SP140: variants seen among roughly 807,000 people sequenced by gnomAD.
SP140 encodes nuclear body protein SP140.
A neutral mutation model predicts 125.0 loss-of-function variants in SP140; 81 were observed. The observed-to-expected ratio is 0.65, with a 90% CI of 0.54 to 0.78. The LOEUF is 0.78. Among genes scored for constraint, SP140 ranks in the 30% least tolerant of loss-of-function variants. The pLI is 0.00. For missense variants in SP140, 858 were observed against 1,037.0 expected (o/e 0.83, Z 2.37); for synonymous variants, 312 against 354.0 (o/e 0.88, Z 1.33).
intron 1 of SP140, chr2:230,208,011 T>C: frequency 6.4e-7 from 1 of 1,565,162 alleles, no homozygotes; most frequent in South Asian, 1.1e-5. Flanking sequence ...GCTTTTTTTC[T>C]TATGTCTCCT....
Position 230,270,474 on chromosome 2 carries a change from G to A in SP140, c.1445-112G>A, listed in dbSNP as rs2053771192. ...GTTCCCCTAGAAGAAAGAGAGGAAT[G>A]ATTATCCAAGCATCTGTATAAACTC... On this transcript the variant is annotated intron_variant, in intron 14 of 26. Coordinates refer to ENST00000392045, the MANE Select transcript of SP140 (RefSeq NM_007237.5). 7 of 1,101,306 alleles carry A rather than the reference G, an allele frequency of 6.4e-6. No homozygotes were observed. The South Asian group carries it at 8.7e-5, about 14-fold the overall frequency. The allele number at this position is 1,101,306 out of a possible 1,614,324, so 68.2% of individuals were successfully genotyped here. A position where few individuals can be genotyped will look rare whatever the true frequency, so the allele number is the denominator to read the frequency against.
intron 15 of SP140, 141 bp downstream of exon 15, chr2:230,270,780 T>G: frequency 6.4e-6 from 5 of 784,034 alleles, no homozygotes; most frequent in Non-Finnish European, 6.6e-6. Context: ...CTAAGATGTC[T>G]ACCTCCTAAT....
chr2:230,225,926 G>A (rs765048276), intron 1 of SP140, 23 bp downstream of exon 1: 103 of 1,605,188 alleles, frequency 6.4e-5, no homozygotes, highest in Admixed American at 2.8e-4. Context: ...CTCCTTTCCC[G>A]TCTGTCCTTC....
chr2:230,245,792 G>T (rs1175309472), intron 6 of SP140, 71 bp from the exon 7 acceptor site: 1 of 970,250 alleles, frequency 1.0e-6, no homozygotes, highest in African/African-American at 1.6e-5. Flanking sequence ...GAATATTAGA[G>T]CTCAGCATGG....
At chr2:230,259,922 T>C (rs2051938879) in intron 12 of SP140, among the ~76,000 whole-genome samples, 1 of 151,976 alleles carries the variant, frequency 6.6e-6, no homozygotes, top group African/African-American at 2.4e-5. Context: ...AGTATCTTTT[T>C]CGAATAATGA....
chr2:230,230,907 T>G (rs1187940630), intron 1 of SP140, among the ~76,000 whole-genome samples: 3 of 152,274 alleles, frequency 2.0e-5, no homozygotes, highest in Non-Finnish European at 4.4e-5. Flanking sequence ...TCTGAAATTA[T>G]TCCAGCATTC....
intron 11 of SP140, among the ~76,000 whole-genome samples, chr2:230,255,099 A>G (rs969029127): frequency 6.6e-6 from 1 of 152,198 alleles, no homozygotes; most frequent in Admixed American, 6.5e-5. Context: ...ATAGAAACAG[A>G]GAAGGGGGGC....
At chr2:230,316,478 A>G (rs1449659165), downstream of SP140, among the ~76,000 whole-genome samples, 9 of 152,212 alleles carry the variant, frequency 5.9e-5, no homozygotes, top group Non-Finnish European at 1.2e-4. Context: ...GGCAGTGGGT[A>G]TACCATCTTA....
intron 5 of SP140, among the ~76,000 whole-genome samples, chr2:230,244,638 G>A (rs1418397231): frequency 6.6e-6 from 1 of 152,154 alleles, no homozygotes; most frequent in Non-Finnish European, 1.5e-5. Context: ...TCCAGAAGAA[G>A]AGAACCAGAA....
Position 230,234,444 on chromosome 2 carries a change from A to G in SP140, c.60-2639A>G, listed in dbSNP as rs114649234. 8.2e-3 allele frequency among the ~76,000 whole-genome samples: 1,247 copies of G among 152,344 alleles called. 17 individuals carry two copies. The highest frequency in any genetic ancestry group is 0.027 in the African/African-American group (1,129 of 41,580). ...AACACAGAAGGTGCATGAGCAAAATATTCTTTGAGTCCTTGTCTATCTAAG... is the reference window on the plus strand; with the variant it reads ...AACACAGAAGGTGCATGAGCAAAATGTTCTTTGAGTCCTTGTCTATCTAAG... On this transcript the variant is annotated intron_variant, in intron 1 of 26. Coordinates refer to ENST00000392045, the MANE Select transcript of SP140 (RefSeq NM_007237.5).
At chr2:230,214,941 T>C in intron 3 of SP140, 1 of 1,613,018 alleles carries the variant, frequency 6.2e-7, no homozygotes, top group Non-Finnish European at 8.5e-7. Flanking sequence ...ACTTGAGAAA[T>C]CTCATTACCA....
chr2:230,273,923 A>G (rs887422674), intron 15 of SP140, among the ~76,000 whole-genome samples: 4 of 152,176 alleles, frequency 2.6e-5, no homozygotes, highest in African/African-American at 9.7e-5. Flanking sequence ...CCTAGAGGAG[A>G]ACAACACACA....
upstream of SP140, among the ~76,000 whole-genome samples, chr2:230,199,012 T>C (rs2043004120): frequency 6.6e-6 from 1 of 151,932 alleles, no homozygotes; most frequent in Admixed American, 6.6e-5. Context: ...GGATGCCACA[T>C]GCTGAGGATG....
intron 4 of SP140, 109 bp from the exon 5 acceptor site, chr2:230,243,622 A>T: frequency 2.5e-6 from 2 of 816,266 alleles, no homozygotes; most frequent in Non-Finnish European, 4.0e-6. Flanking sequence ...GGGAGAGGGG[A>T]CCTTCCAGAT....
Position 230,245,920 on chromosome 2 carries a change from T to C in SP140, c.722T>C (p.Leu241Ser). ...GGAGAATCAGAAGAAATGCCCAAGT[T>C]ACTGCCTTATGATACAGAAGGTAAT... ...DEGESEEMPK[L>S]LPYDTEVLES... is the part of the protein sequence containing the mutation. Residue 241 changes from leucine (L) to serine (S), a missense_variant, in exon 7 of 27, where the codon TTA becomes TCA. Coordinates refer to ENST00000392045, the MANE Select transcript of SP140 (RefSeq NM_007237.5). The C allele has an allele frequency of 6.2e-7, 1 of 1,601,008 alleles. No homozygotes were observed. The highest frequency in any genetic ancestry group is 1.3e-5 in the African/African-American group (1 of 74,790).
chr2:230,289,612 T>A (rs1180634879), intron 18 of SP140, among the ~76,000 whole-genome samples: 1 of 152,152 alleles, frequency 6.6e-6, no homozygotes, highest in South Asian at 2.1e-4. Flanking sequence ...GTAGCTGGGA[T>A]TACAGGTGGG....
intron 22 of SP140, among the ~76,000 whole-genome samples, chr2:230,305,067 C>A (rs1056116964): frequency 6.6e-6 from 1 of 152,112 alleles, no homozygotes; most frequent in African/African-American, 2.4e-5. Flanking sequence ...AAGAAAAAAT[C>A]AAATAATCCC....
At chr2:230,227,802 AT>A (rs1411455888) in intron 1 of SP140, among the ~76,000 whole-genome samples, 1 of 151,888 alleles carries the variant, frequency 6.6e-6, no homozygotes, top group Non-Finnish European at 1.5e-5. Flanking sequence ...CGTCTTCTCT[AT>A]TTTTTTCTTT....
upstream of SP140, chr2:230,203,058 A>G (rs2043338889): frequency 8.0e-6 from 3 of 374,746 alleles, no homozygotes; most frequent in Non-Finnish European, 1.5e-5. Flanking sequence ...AGTCTCGTCT[A>G]GGTGGAGAGG....
Sources: gnomAD v4.1 joint callset for allele counts (sites outside exome capture counted in the v4.1 genomes callset) on GRCh38, gnomAD v4.1.1 for gene constraint, MANE v1.5 for transcripts, NCBI Gene and HGNC (gene_info 2026-07-23, HGNC 2026-07-21) for gene names.